Variants in PCDH9 observed in about 807,000 individuals in gnomAD.
PCDH9 encodes the protein protocadherin-9.
In PCDH9, 24 loss-of-function variants were observed where a neutral mutation model predicts 70.6. The observed-to-expected ratio is 0.34, with a 90% CI of 0.25 to 0.48. The LOEUF (loss-of-function observed/expected upper bound fraction) is 0.48, where lower values mean the gene tolerates loss of function less well. PCDH9 is among the 20% of genes least tolerant of loss of function. The probability of loss-of-function intolerance (pLI) is 0.99; values close to 1 mark genes in which losing one functional copy is unlikely to be tolerated. For synonymous variants in PCDH9, 562 were observed against 558.5 expected (o/e 1.01, Z -0.09); for missense variants, 1,281 against 1,503.6 (o/e 0.85, Z 2.45).
chr13:66,969,967 T>G (rs1440897913), intron 2 of PCDH9, among the ~76,000 whole-genome samples: 3 of 152,058 alleles, frequency 2.0e-5, no homozygotes, highest in Non-Finnish European at 1.5e-5. Context: ...TGGTTATGTA[T>G]CCAAAGTAAG....
At chr13:66,646,326 G>A (rs181301428) in intron 3 of PCDH9, among the ~76,000 whole-genome samples, 29 of 152,220 alleles carry the variant, frequency 1.9e-4, no homozygotes, top group Non-Finnish European at 3.2e-4. Context: ...ATATAGCTGG[G>A]ATTTTCACTG....
At chr13:66,730,632 C>A (rs2079060097) in intron 3 of PCDH9, among the ~76,000 whole-genome samples, 1 of 151,744 alleles carries the variant, frequency 6.6e-6, no homozygotes, top group Non-Finnish European at 1.5e-5. Context: ...TTATATCCTG[C>A]ACCTCACATA....
intron 2 of PCDH9, among the ~76,000 whole-genome samples, chr13:67,184,994 A>G (rs2088715096): frequency 6.6e-6 from 1 of 152,130 alleles, no homozygotes; most frequent in African/African-American, 2.4e-5. Context: ...CTTGTCACAT[A>G]CTACCTTTGA....
At chr13:66,600,417 T>C (rs2077151640) in intron 4 of PCDH9, among the ~76,000 whole-genome samples, 1 of 151,932 alleles carries the variant, frequency 6.6e-6, no homozygotes, top group African/African-American at 2.4e-5. Context: ...TATTTTACTC[T>C]GCTAGTATTA....
intron 3 of PCDH9, among the ~76,000 whole-genome samples, chr13:66,678,756 TAAA>T (rs201413526): frequency 2.6e-5 from 4 of 151,152 alleles, no homozygotes; most frequent in Non-Finnish European, 5.9e-5. Context: ...TGTAGAAAAA[TAAA>T]AAAAATATTC....
intron 3 of PCDH9, among the ~76,000 whole-genome samples, chr13:66,730,897 T>TTTTTGTTTTG (rs2079070292): frequency 3.1e-5 from 4 of 129,100 alleles, no homozygotes; most frequent in Non-Finnish European, 3.2e-5. Flanking sequence ...GTTTGTTTCT[T>TTTTTGTTTTG]TTTTTTTGTG....
At chr13:66,464,039 T>G (rs1224747415) in intron 4 of PCDH9, among the ~76,000 whole-genome samples, 2 of 151,872 alleles carry the variant, frequency 1.3e-5, no homozygotes, top group African/African-American at 4.8e-5. Context: ...TGTTTTACAC[T>G]AGGACCACCA....
intron 3 of PCDH9, among the ~76,000 whole-genome samples, chr13:66,895,484 AAT>A (rs762291594): frequency 3.9e-5 from 6 of 152,168 alleles, no homozygotes; most frequent in Non-Finnish European, 8.8e-5. Flanking sequence ...TTAGCATCGC[AAT>A]ATATTATTCA....
intron 3 of PCDH9, among the ~76,000 whole-genome samples, chr13:66,690,715 G>T (rs995497879): frequency 3.9e-5 from 6 of 152,182 alleles, no homozygotes; most frequent in Admixed American, 3.9e-4. Flanking sequence ...CCAGAGGATA[G>T]ATGTCAAAAT....
intron 4 of PCDH9, among the ~76,000 whole-genome samples, chr13:66,620,008 TTTAAAA>T (rs1309911134): frequency 1.3e-5 from 2 of 152,170 alleles, no homozygotes; most frequent in East Asian, 3.8e-4. Context: ...CAGCTCAGAC[TTTAAAA>T]TTAAAATAAA....
At position 67,164,416 on chromosome 13, in the gene PCDH9, AC is replaced by A. The variant is rs58517787; in HGVS notation, c.3036+60988del. Among the ~76,000 whole-genome samples the A allele has an allele frequency of 8.1e-3, 1,233 of 151,916 alleles. 13 individuals are homozygous for A. Among genetic ancestry groups the A allele is most frequent in the African/African-American group, 0.027 (1,106 of 41,422 alleles). ...ATAATGAAACCCTGTCTCTAATAAA[AC>A]TACAAAAATTAGCCTGGTGTGGTGG... On this transcript the variant is annotated intron_variant, in intron 2 of 4. Transcript: ENST00000377865.
intron 3 of PCDH9, among the ~76,000 whole-genome samples, chr13:66,706,846 G>A (rs2139120120): frequency 6.6e-6 from 1 of 152,286 alleles, no homozygotes; most frequent in East Asian, 1.9e-4. Context: ...TGCTGATCCT[G>A]AAGCCAAGAG....
chr13:67,086,720 G>T (rs2086115527), intron 2 of PCDH9, among the ~76,000 whole-genome samples: 1 of 152,040 alleles, frequency 6.6e-6, no homozygotes, highest in African/African-American at 2.4e-5. Flanking sequence ...TGGCTGTAAA[G>T]AAAAAGATAA....
intron 3 of PCDH9, among the ~76,000 whole-genome samples, chr13:66,827,365 A>AAG (rs1368707111): frequency 7.4e-6 from 1 of 135,568 alleles, no homozygotes; most frequent in African/African-American, 2.5e-5. Context: ...AATGGCAAAA[A>AAG]AAAAAAAAAG....
chr13:66,888,231 G>A (rs1015026363), intron 3 of PCDH9, among the ~76,000 whole-genome samples: 5 of 152,002 alleles, frequency 3.3e-5, no homozygotes, highest in South Asian at 2.1e-4. Flanking sequence ...CCAGTGGCTC[G>A]TGCCTATGAT....
intron 2 of PCDH9, among the ~76,000 whole-genome samples, chr13:67,024,258 A>C (rs973483751): frequency 6.6e-6 from 1 of 152,194 alleles, no homozygotes; most frequent in African/African-American, 2.4e-5. Context: ...TGATATTAAC[A>C]AAGGTTGACC....
chr13:66,411,061 A>T (rs1418360633), intron 4 of PCDH9, among the ~76,000 whole-genome samples: 1 of 152,174 alleles, frequency 6.6e-6, no homozygotes, highest in African/African-American at 2.4e-5. Context: ...ATTTCACTTC[A>T]TATTACCTTT....
intron 4 of PCDH9, among the ~76,000 whole-genome samples, chr13:66,355,210 C>G (rs1353289922): frequency 2.0e-5 from 3 of 151,960 alleles, no homozygotes; most frequent in Non-Finnish European, 4.4e-5. Flanking sequence ...GATGAGAAAG[C>G]AAGTACAGTT....
chr13:66,893,543 AGT>A (rs2082128786), intron 3 of PCDH9, among the ~76,000 whole-genome samples: 1 of 152,186 alleles, frequency 6.6e-6, no homozygotes, highest in South Asian at 2.1e-4. Context: ...ATACAATCAA[AGT>A]GTTTTAAAGA....
Sources: allele counts gnomAD v4.1 joint callset (sites outside exome capture counted in the v4.1 genomes callset), GRCh38; gene constraint gnomAD v4.1.1; transcripts MANE v1.5; gene names NCBI Gene and HGNC (gene_info 2026-07-23, HGNC 2026-07-21).